Variants in ZFPM2 observed in about 807,000 individuals in gnomAD.
ZFPM2 encodes the protein zinc finger protein, FOG family member 2, also known as zinc finger protein ZFPM2.
A neutral mutation model predicts 98.6 loss-of-function variants in ZFPM2; 20 were observed. The observed-to-expected ratio is 0.20, with a 90% CI of 0.14 to 0.29. The LOEUF (loss-of-function observed/expected upper bound fraction) is 0.29. Among genes scored for constraint, ZFPM2 ranks in the 10% least tolerant of loss-of-function variants. The pLI is 1.00. For missense variants in ZFPM2, 1,310 were observed against 1,388.6 expected, an observed-to-expected ratio of 0.94 and a Z score of 0.90; for synonymous variants, 518 against 502.7, an observed-to-expected ratio of 1.03 and a Z score of -0.41.
intron 1 of ZFPM2, among the ~76,000 whole-genome samples, chr8:105,403,685 A>G (rs1329640479): frequency 1.3e-5 from 2 of 151,930 alleles, no homozygotes; most frequent in Non-Finnish European, 2.9e-5. Flanking sequence ...TTTTTAACAG[A>G]GATATAGCCT....
Position 105,318,874 on chromosome 8 carries a change from G to A in ZFPM2, c.-68G>A, listed in dbSNP as rs1479727076. 5 of 1,021,054 alleles carry A rather than the reference G, an allele frequency of 4.9e-6. No individual in the cohort carries two copies. Among genetic ancestry groups the A allele is most frequent in the Admixed American group, 8.4e-5 (2 of 23,722 alleles). 63.2% of individuals were successfully genotyped at this position (1,021,054 alleles called of 1,614,324 possible). A position where few individuals can be genotyped will look rare whatever the true frequency, so the allele number is the denominator to read the frequency against. On this transcript the variant is annotated 5_prime_UTR_variant, in exon 1 of 8. Transcript: ENST00000407775. ...GCGGCGGCGGCGGCGGCGGCGGCGG[G>A]AGCCGAGGGAGCGGCAGCCGCGACC... is the stretch of plus-strand genomic sequence containing the variant.
intron 4 of ZFPM2, among the ~76,000 whole-genome samples, chr8:105,619,437 G>A (rs1816487479): frequency 6.6e-6 from 1 of 151,436 alleles, no homozygotes; most frequent in African/African-American, 2.4e-5. Flanking sequence ...CTCTATTCTT[G>A]AATATTCTAC....
intron 3 of ZFPM2, among the ~76,000 whole-genome samples, chr8:105,490,030 C>T (rs920043492): frequency 2.0e-5 from 3 of 151,818 alleles, no homozygotes; most frequent in South Asian, 2.1e-4. Flanking sequence ...GGGTGGATCA[C>T]GAGGTCAGGG....
chr8:105,697,744 A>G (rs1811051982), intron 5 of ZFPM2, among the ~76,000 whole-genome samples: 1 of 152,186 alleles, frequency 6.6e-6, no homozygotes, highest in Admixed American at 6.5e-5. Flanking sequence ...GTCTTTTTCC[A>G]TGATAGTGGC....
intron 5 of ZFPM2, among the ~76,000 whole-genome samples, chr8:105,661,025 G>A (rs142415105): frequency 6.6e-6 from 1 of 152,206 alleles, no homozygotes; most frequent in East Asian, 1.9e-4. Flanking sequence ...AGGTGCATGG[G>A]GACATGTGAT....
chr8:105,556,745 CAG>C (rs1433481086), intron 3 of ZFPM2, among the ~76,000 whole-genome samples: 2 of 129,966 alleles, frequency 1.5e-5, no homozygotes, highest in African/African-American at 5.6e-5. Flanking sequence ...TCCCCTTTGA[CAG>C]AGTCTTGCTC....
At chr8:105,485,572 G>T (rs147410046) in intron 3 of ZFPM2, among the ~76,000 whole-genome samples, 1 of 152,260 alleles carries the variant, frequency 6.6e-6, no homozygotes, top group Non-Finnish European at 1.5e-5. Flanking sequence ...CGGCCTGTAA[G>T]CCTGGATGTT....
chr8:105,660,952 T>A (rs934343512), intron 5 of ZFPM2, among the ~76,000 whole-genome samples: 3 of 152,122 alleles, frequency 2.0e-5, no homozygotes, highest in African/African-American at 7.2e-5. Context: ...ACCCTAGTGG[T>A]CTAAAGAAGC....
At chr8:105,623,792 G>C (rs764708952) in intron 4 of ZFPM2, among the ~76,000 whole-genome samples, 5 of 152,120 alleles carry the variant, frequency 3.3e-5, no homozygotes, top group Non-Finnish European at 7.4e-5. Context: ...AGTTGAGTTA[G>C]TATGTACCTC....
chr8:105,471,816 C>G (rs1429519298), intron 3 of ZFPM2, among the ~76,000 whole-genome samples: 2 of 152,148 alleles, frequency 1.3e-5, no homozygotes, highest in African/African-American at 2.4e-5. Context: ...AATTATAACT[C>G]TATCAGAACA....
At chr8:105,772,903 T>A (rs951901380) in intron 5 of ZFPM2, among the ~76,000 whole-genome samples, 32 of 152,152 alleles carry the variant, frequency 2.1e-4, no homozygotes, top group Non-Finnish European at 4.1e-4. Context: ...AAGTTACATC[T>A]TTATGCTTTG....
At chr8:105,476,969 TACTC>T (rs1399690992) in intron 3 of ZFPM2, among the ~76,000 whole-genome samples, 2 of 152,144 alleles carry the variant, frequency 1.3e-5, no homozygotes, top group African/African-American at 4.8e-5. Flanking sequence ...AGATTGCAAA[TACTC>T]ACAAACTGGA....
chr8:105,489,001 T>A (rs1379128637), intron 3 of ZFPM2, among the ~76,000 whole-genome samples: 1 of 152,202 alleles, frequency 6.6e-6, no homozygotes, highest in Non-Finnish European at 1.5e-5. Context: ...ATCATAATGA[T>A]ACTAACACCT....
chr8:105,393,291 G>T (rs1221761832), intron 1 of ZFPM2, among the ~76,000 whole-genome samples: 1 of 148,420 alleles, frequency 6.7e-6, no homozygotes, highest in South Asian at 2.2e-4. Context: ...ATATTCTTCA[G>T]AATGTCTTCC....
rs16873745 is a variant in ZFPM2, at chr8:105,803,592, C to G, written c.*54C>G. Reference sequence around the variant, plus strand: ...TCAGTGTTTAGTATGTTGTTCTAACCAGTCCAGAAAAAAAAATAAGCTGTT... The same window carrying G: ...TCAGTGTTTAGTATGTTGTTCTAACGAGTCCAGAAAAAAAAATAAGCTGTT... On this transcript the variant is annotated 3_prime_UTR_variant, in exon 8 of 8. Coordinates refer to ENST00000407775, the MANE Select transcript of ZFPM2 (RefSeq NM_012082.4). The G allele has an allele frequency of 0.011, 16,735 of 1,520,476 alleles. 1,470 individuals carry two copies. The African/African-American group carries it at 0.2, about 18-fold the overall frequency. 94.2% of individuals were successfully genotyped at this position (1,520,476 alleles called of 1,614,324 possible).
chr8:105,550,803 A>T (rs992937818), intron 3 of ZFPM2, among the ~76,000 whole-genome samples: 15 of 152,192 alleles, frequency 9.9e-5, no homozygotes, highest in Admixed American at 3.3e-4. Context: ...TGGGTACTTC[A>T]ATAAATACAC....
chr8:105,401,170 T>G (rs1811333262), intron 1 of ZFPM2, among the ~76,000 whole-genome samples: 1 of 152,056 alleles, frequency 6.6e-6, no homozygotes, highest in South Asian at 2.1e-4. Context: ...TTAAGATTAA[T>G]TCTAGGAGTT....
intron 5 of ZFPM2, among the ~76,000 whole-genome samples, chr8:105,748,700 G>A (rs1408738409): frequency 6.6e-6 from 1 of 151,974 alleles, no homozygotes; most frequent in Non-Finnish European, 1.5e-5. Flanking sequence ...GCTCCTTAAT[G>A]TAATTTTGAG....
Position 105,797,504 on chromosome 8 carries a change from G to A in ZFPM2, c.740-1220G>A, listed in dbSNP as rs569232796. 2.0e-5 allele frequency among the ~76,000 whole-genome samples: 3 copies of A among 152,276 alleles called. No individual in the cohort carries two copies. The East Asian group carries it at 5.8e-4, about 29-fold the overall frequency. On this transcript the variant is annotated intron_variant, in intron 6 of 7. Transcript: ENST00000407775. The stretch of plus-strand genomic sequence containing the variant: ...GTCTTGCTTAAAATGATTCAGTGAT[G>A]CTTCGTAATCATTAAGACAAAATCT...
Sources: gnomAD v4.1 joint callset for allele counts (sites outside exome capture counted in the v4.1 genomes callset) on GRCh38, gnomAD v4.1.1 for gene constraint, MANE v1.5 for transcripts, NCBI Gene and HGNC (gene_info 2026-07-23, HGNC 2026-07-21) for gene names.